MCF2L2: variants seen among roughly 807,000 people sequenced by gnomAD.
MCF2L2 encodes the protein MCF.2 cell line derived transforming sequence-like 2, also known as probable guanine nucleotide exchange factor MCF2L2.
Under a neutral mutation model 150.2 loss-of-function variants are expected in MCF2L2, and 102 were observed. That is an observed-to-expected ratio of 0.68 (90% confidence interval 0.58 to 0.80). MCF2L2 has a LOEUF of 0.80. MCF2L2 is among the 30% of genes least tolerant of loss of function. The pLI, the probability that MCF2L2 is intolerant of heterozygous loss-of-function variation, is 0.00. For missense variants in MCF2L2, 1,256 were observed against 1,372.8 expected (o/e 0.91, Z 1.34); for synonymous variants, 465 against 491.3 (o/e 0.95, Z 0.71).
chr3:183,293,724 T>A (rs983222465), intron 13 of MCF2L2, among the ~76,000 whole-genome samples: 3 of 152,294 alleles, frequency 2.0e-5, no homozygotes, highest in Middle Eastern at 3.4e-3. Context: ...TCCCAGTCAT[T>A]ATAATATGAC....
intron 6 of MCF2L2, 125 bp from the exon 7 acceptor site, chr3:183,318,342 T>C (rs1729682582): frequency 1.9e-6 from 2 of 1,074,900 alleles, no homozygotes; most frequent in South Asian, 1.4e-5. Context: ...GGAAATGGTA[T>C]AGAGGACCTG....
At chr3:183,392,447 C>T (rs1171482935) in intron 1 of MCF2L2, among the ~76,000 whole-genome samples, 7 of 152,176 alleles carry the variant, frequency 4.6e-5, no homozygotes, top group Admixed American at 6.5e-5. Flanking sequence ...CCCCAGCCCC[C>T]GACAAGAGAC....
At chr3:183,187,745 G>A (rs1576906863) in intron 27 of MCF2L2, among the ~76,000 whole-genome samples, 2 of 152,340 alleles carry the variant, frequency 1.3e-5, no homozygotes, top group African/African-American at 4.8e-5. Flanking sequence ...GGGATTACAG[G>A]CGTGAGCCAC....
At chr3:183,297,200 G>A (rs753542514) in intron 11 of MCF2L2, 33 bp from the exon 12 acceptor site, 6 of 1,588,034 alleles carry the variant, frequency 3.8e-6, no homozygotes, top group South Asian at 1.1e-5. Context: ...TGTGCACTTC[G>A]CCTGACCACA....
chr3:183,252,225 T>G (rs1724580652), intron 15 of MCF2L2, among the ~76,000 whole-genome samples: 1 of 152,048 alleles, frequency 6.6e-6, no homozygotes, highest in Admixed American at 6.6e-5. Flanking sequence ...GCATGTGGGA[T>G]TTCAGTCAGC....
rs964820067 is a variant in MCF2L2, at chr3:183,425,797, C to CA, written c.76+2104dup. On this transcript the variant is annotated intron_variant, in intron 1 of 29. Transcript: ENST00000328913. ...GAGAAACCCGTCTCTACTAAAAATA[C>CA]AAAAAAAATTAGCCGGGCGTGGTGG... Among the ~76,000 whole-genome samples, 143 of 151,802 alleles carry CA rather than the reference C, an allele frequency of 9.4e-4. 1 individual carries two copies. The highest frequency in any genetic ancestry group is 3.9e-4 in the East Asian group (2 of 5,154).
At chr3:183,403,040 G>T (rs1714854757) in intron 1 of MCF2L2, among the ~76,000 whole-genome samples, 1 of 152,068 alleles carries the variant, frequency 6.6e-6, no homozygotes, top group Non-Finnish European at 1.5e-5. Flanking sequence ...CAGCACTTTG[G>T]GAGGCTGAGG....
Position 183,180,139 on chromosome 3 carries a change from T to C in MCF2L2, c.3037A>G (p.Ser1013Gly). Residue 1013 changes from serine to glycine, a missense_variant, in exon 28 of 30, where the codon AGC becomes GGC. Transcript: ENST00000328913. ...CAGTCTTCAAAGGTGTCCATGGAGCTAAACTCCCTGCTGGAGCAGCCTTAG... is the reference window on the plus strand; with the variant it reads ...CAGTCTTCAAAGGTGTCCATGGAGCCAAACTCCCTGCTGGAGCAGCCTTAG... ...GIKGCSSREF[S>G]SMDTFEDCEG... The C allele has an allele frequency of 6.2e-7, 1 of 1,613,672 alleles. No individual in the cohort carries two copies. The highest frequency in any genetic ancestry group is 8.5e-7 in the Non-Finnish European group (1 of 1,179,718).
In MCF2L2 at chr3:183,195,441, G is replaced by A. The variant is rs555535377; in HGVS notation, c.2885-186C>T. Among the ~76,000 whole-genome samples, 4 of 152,238 alleles carry A rather than the reference G, an allele frequency of 2.6e-5. No homozygotes were observed. In the East Asian group the frequency reaches 5.8e-4, roughly 22 times the overall value. ...ACGCTGCTACAGTCCCTGGGCTCAC[G>A]TGGTCCTGGCATCCTCCCCAACGTC... is the stretch of plus-strand genomic sequence containing the variant. On this transcript the variant is annotated intron_variant, in intron 25 of 29. Coordinates refer to ENST00000328913, the MANE Select transcript of MCF2L2 (RefSeq NM_015078.4).
At chr3:183,194,619 G>A (rs1440041539) in intron 26 of MCF2L2, among the ~76,000 whole-genome samples, 1 of 152,080 alleles carries the variant, frequency 6.6e-6, no homozygotes, top group African/African-American at 2.4e-5. Context: ...AATTAGGGGA[G>A]GTTTCGAACT....
At chr3:183,317,703 G>A (rs957638726) in intron 7 of MCF2L2, among the ~76,000 whole-genome samples, 4 of 152,116 alleles carry the variant, frequency 2.6e-5, no homozygotes, top group African/African-American at 9.7e-5. Context: ...GTTCTGTCTT[G>A]CTCTGTCCTG....
chr3:183,422,184 CA>C (rs1052723778), intron 1 of MCF2L2, among the ~76,000 whole-genome samples: 2 of 152,214 alleles, frequency 1.3e-5, no homozygotes, highest in African/African-American at 4.8e-5. Flanking sequence ...CTCTGATAAA[CA>C]AGCTGGCCTA....
At chr3:183,361,882 T>C (rs1019019896) in intron 3 of MCF2L2, among the ~76,000 whole-genome samples, 8 of 152,174 alleles carry the variant, frequency 5.3e-5, no homozygotes, top group African/African-American at 1.9e-4. Flanking sequence ...TCCACATGGG[T>C]GGCTGAGAGA....
At chr3:183,416,581 G>A (rs1050724776) in intron 1 of MCF2L2, among the ~76,000 whole-genome samples, 30 of 152,280 alleles carry the variant, frequency 2.0e-4, no homozygotes, top group African/African-American at 6.0e-4. Flanking sequence ...CAACACAGCA[G>A]ACAATCCCTA....
intron 22 of MCF2L2, among the ~76,000 whole-genome samples, chr3:183,211,080 C>T (rs193206993): frequency 6.6e-6 from 1 of 151,976 alleles, no homozygotes; most frequent in Admixed American, 6.6e-5. Flanking sequence ...GAAGGTGAGT[C>T]ATTAGAAATT....
intron 15 of MCF2L2, among the ~76,000 whole-genome samples, chr3:183,263,540 T>C (rs1399286244): frequency 6.6e-6 from 1 of 151,890 alleles, no homozygotes; most frequent in Non-Finnish European, 1.5e-5. Context: ...CTCCTTTCTC[T>C]CCTTCTCCGG....
At position 183,179,422 on chromosome 3, in the gene MCF2L2, C is replaced by T; in HGVS notation, c.3303G>A (p.Gln1101=). Residue 1101 remains glutamine, a synonymous_variant, in exon 30 of 30, where the codon CAG becomes CAA. Coordinates refer to ENST00000328913, the MANE Select transcript of MCF2L2 (RefSeq NM_015078.4). This position sits in a 1 kb window ranked among gnomAD's most constrained non-coding sequence, Gnocchi z 4.2. The part of the protein sequence containing the change: ...LAPAGATAGF[Q]ARALRPRTSA... ...AGGTCCTCGGGCGCAGCGCCCTCGCCTGGAAACCAGCCGTCGCCCCCGCAG... is the reference window on the plus strand; with the variant it reads ...AGGTCCTCGGGCGCAGCGCCCTCGCTTGGAAACCAGCCGTCGCCCCCGCAG... 6.4e-7 allele frequency: 1 copy of T among 1,572,770 alleles called. No individual in the cohort carries two copies. The highest frequency in any genetic ancestry group is 1.1e-5 in the South Asian group (1 of 87,174).
At chr3:183,310,884 A>G (rs1279665665) in intron 9 of MCF2L2, 31 bp downstream of exon 9, 1 of 1,492,610 alleles carries the variant, frequency 6.7e-7, no homozygotes, top group Non-Finnish European at 9.3e-7. Flanking sequence ...GGTACCAGAA[A>G]AGAAAGTTAC....
chr3:183,206,714 A>T (rs1354564513), intron 23 of MCF2L2, among the ~76,000 whole-genome samples: 2 of 152,100 alleles, frequency 1.3e-5, no homozygotes, highest in African/African-American at 4.8e-5. Flanking sequence ...TCTACTAAAA[A>T]TACAAAATTA....
Sources: gnomAD v4.1 joint callset for allele counts (sites outside exome capture counted in the v4.1 genomes callset) on GRCh38, gnomAD v4.1.1 for gene constraint, Gnocchi (gnomAD v3.1) non-coding constraint, MANE v1.5 for transcripts, NCBI Gene and HGNC (gene_info 2026-07-23, HGNC 2026-07-21) for gene names.